The following FBXO11 variants were observed in gnomAD, a reference collection of about 807,000 sequenced individuals.
FBXO11 encodes F-box only protein 11.
A neutral mutation model predicts 117.0 loss-of-function variants in FBXO11; 13 were observed. The ratio of observed to expected loss-of-function variants is 0.11; its 90% CI spans 0.07 to 0.18. FBXO11 has a LOEUF of 0.18. Among genes scored for constraint, FBXO11 ranks in the 10% least tolerant of loss-of-function variants. The pLI, the probability that FBXO11 is intolerant of heterozygous loss-of-function variation, is 1.00. For synonymous variants in FBXO11, 490 were observed against 380.5 expected, an observed-to-expected ratio of 1.29 and a Z score of -3.35; for missense variants, 767 against 1,164.4, an observed-to-expected ratio of 0.66 and a Z score of 4.97.
intron 18 of FBXO11, among the ~76,000 whole-genome samples, chr2:47,812,643 G>A (rs527290254): frequency 3.9e-5 from 6 of 152,186 alleles, no homozygotes; most frequent in Non-Finnish European, 5.9e-5. Flanking sequence ...TGTAAGATAT[G>A]TACAAATGTT....
intron 14 of FBXO11, among the ~76,000 whole-genome samples, chr2:47,819,408 G>A (rs113636247): frequency 2.3e-4 from 35 of 152,160 alleles, no homozygotes; most frequent in Non-Finnish European, 7.3e-5. Flanking sequence ...TAGAGATGGC[G>A]TTTCACCATC....
At chr2:47,900,912 G>A (rs947904377) in intron 1 of FBXO11, among the ~76,000 whole-genome samples, 9 of 131,182 alleles carry the variant, frequency 6.9e-5, no homozygotes, top group Non-Finnish European at 8.2e-5. Flanking sequence ...ACATATATAT[G>A]TATATATATA....
intron 16 of FBXO11, among the ~76,000 whole-genome samples, chr2:47,817,460 T>A (rs1037368009): frequency 5.3e-5 from 8 of 152,358 alleles, no homozygotes; most frequent in African/African-American, 1.7e-4. Context: ...TTATCATTCA[T>A]GTGTTTACTG....
intron 1 of FBXO11, among the ~76,000 whole-genome samples, chr2:47,879,558 G>T (rs959479076): frequency 5.3e-5 from 8 of 152,224 alleles, no homozygotes; most frequent in African/African-American, 1.9e-4. Context: ...GTGAATTATC[G>T]ATTCATATCT....
intron 1 of FBXO11, among the ~76,000 whole-genome samples, chr2:47,868,466 T>C (rs569630263): frequency 6.6e-6 from 1 of 152,294 alleles, no homozygotes; most frequent in East Asian, 1.9e-4. Context: ...TACTTTATTT[T>C]TGAGAAATTT....
Position 47,905,638 on chromosome 2 carries a change from G to T in FBXO11, c.83C>A (p.Pro28Gln), listed in dbSNP as rs985294635. ...GGGCGGCTGCGGCGGCGGCTGCTGC[G>T]GGGGCTGCTGCTGCTGTTGCTGCAC... ...RPVQQQQQQPPQQPPPQPPQQ... is the reference protein window; with the variant it reads ...RPVQQQQQQPQQQPPPQPPQQ... The change falls in exon 1 of 23, where the codon CCG becomes CAG. Residue 28 changes from proline to glutamine, a missense_variant. Pro to Gln is a moderately conservative substitution (Grantham distance 76). Around this residue, in one of 10 missense-constraint regions of FBXO11, gnomAD observed 355 missense variants for 299.8 expected, o/e 1.18. Transcript: ENST00000403359. 1 of 1,421,424 alleles carries T rather than the reference G, an allele frequency of 7.0e-7. No individual in the cohort carries two copies. The highest frequency in any genetic ancestry group is 9.2e-7 in the Non-Finnish European group (1 of 1,084,624). 88.1% of individuals were successfully genotyped at this position (1,421,424 alleles called of 1,614,324 possible).
chr2:47,840,306 G>GT (rs1484717313), intron 1 of FBXO11, among the ~76,000 whole-genome samples: 1 of 151,956 alleles, frequency 6.6e-6, no homozygotes, highest in African/African-American at 2.4e-5. Flanking sequence ...AGTGGGAAGG[G>GT]AACTGGTACT....
Position 47,807,922 on chromosome 2 carries a change from C to A in FBXO11, c.*196G>T. The A allele has an allele frequency of 1.8e-6, 1 of 540,972 alleles. No individual in the cohort carries two copies. The highest frequency in any genetic ancestry group is 3.3e-6 in the Non-Finnish European group (1 of 305,188). 33.5% of individuals were successfully genotyped at this position (540,972 alleles called of 1,614,324 possible). ...CTTTACACAGTAATGCTAAAACACCCAGCTTTGAGATCCTGAGTCAATATA... is the reference window on the plus strand; with the variant it reads ...CTTTACACAGTAATGCTAAAACACCAAGCTTTGAGATCCTGAGTCAATATA... On this transcript the variant is annotated 3_prime_UTR_variant, in exon 23 of 23. Transcript: ENST00000403359.
intron 1 of FBXO11, among the ~76,000 whole-genome samples, chr2:47,867,198 G>C (rs874869): frequency 0.55 from 83,975 of 151,936 alleles, 23,279 homozygotes; most frequent in East Asian, 0.63. Flanking sequence ...AACAAATCCC[G>C]AAAATCTCCA....
rs369808789 is a variant in FBXO11, at chr2:47,808,210, G to A, written c.2692C>T (p.Pro898Ser). 1.9e-6 allele frequency: 3 copies of A among 1,613,276 alleles called. No homozygotes were observed. The highest frequency in any genetic ancestry group is 2.7e-5 in the African/African-American group (2 of 74,910). The change falls in exon 23 of 23, where the codon CCT becomes TCT. Residue 898 changes from proline (P) to serine (S), a missense_variant. This residue lies in a region of FBXO11 where 47 missense variants were observed against 117.3 expected (regional missense o/e 0.40). Coordinates refer to ENST00000403359, the MANE Select transcript of FBXO11 (RefSeq NM_001190274.2). The stretch of plus-strand genomic sequence containing the variant: ...GTAGGCTCACCAGCTAATGTACAAG[G>A]ATTAGACAGTGTTCCAGCACCACAG... ...CDCGAGTLSN[P>S]CTLAGEPTHD...
intron 1 of FBXO11, among the ~76,000 whole-genome samples, chr2:47,858,183 G>A (rs1049494765): frequency 6.6e-6 from 1 of 151,728 alleles, no homozygotes; most frequent in Non-Finnish European, 1.5e-5. Context: ...TCAGTTCACT[G>A]CAACCTCTGT....
At chr2:47,859,263 T>C (rs1674568517) in intron 1 of FBXO11, among the ~76,000 whole-genome samples, 1 of 151,826 alleles carries the variant, frequency 6.6e-6, no homozygotes, top group Non-Finnish European at 1.5e-5. Context: ...ACCCAACTAA[T>C]CTGAAGATCA....
chr2:47,809,141 ATATATTT>A lies in FBXO11; in HGVS notation c.2555+10_2555+16del, dbSNP rs1670441134. The A allele has an allele frequency of 6.9e-7, 1 of 1,442,954 alleles. No homozygotes were observed. Among genetic ancestry groups the A allele is most frequent in the Non-Finnish European group, 9.6e-7 (1 of 1,043,942 alleles). 89.4% of individuals were successfully genotyped at this position (1,442,954 alleles called of 1,614,324 possible). A position where few individuals can be genotyped will look rare whatever the true frequency, so the allele number is the denominator to read the frequency against. ...CAGTCTTCCTCTTTTCAGGACTCAA[ATATATTT>A]CTAAGTTACCTGTAGAAATCATGCA... On this transcript the variant is annotated intron_variant, in intron 21 of 22. Coordinates refer to ENST00000403359, the MANE Select transcript of FBXO11 (RefSeq NM_001190274.2).
At position 47,806,977 on chromosome 2, in the gene FBXO11, G is replaced by A; in HGVS notation, c.*1141C>T. 1.2e-6 allele frequency: 1 copy of A among 808,624 alleles called. No individual in the cohort carries two copies. 50.1% of individuals were successfully genotyped at this position (808,624 alleles called of 1,614,324 possible). On this transcript the variant is annotated 3_prime_UTR_variant, in exon 23 of 23. Coordinates refer to ENST00000403359, the MANE Select transcript of FBXO11 (RefSeq NM_001190274.2). ...GACCATTTTTCCATTTTCTTTCTAG[G>A]AAATTAAACCCTTTTAATTCTTATC... is the stretch of plus-strand genomic sequence containing the variant.
chr2:47,861,283 A>G (rs1274617958), intron 1 of FBXO11, among the ~76,000 whole-genome samples: 2 of 151,472 alleles, frequency 1.3e-5, no homozygotes, highest in African/African-American at 4.9e-5. Context: ...AATTGACTTC[A>G]TAATATTCAT....
At chr2:47,899,046 G>A (rs949943767) in intron 1 of FBXO11, among the ~76,000 whole-genome samples, 7 of 152,042 alleles carry the variant, frequency 4.6e-5, no homozygotes, top group African/African-American at 9.6e-5. Flanking sequence ...AGGCCGAGGC[G>A]GGCGGATCAC....
chr2:47,829,305 A>G (rs1287493258), intron 11 of FBXO11, among the ~76,000 whole-genome samples: 2 of 152,050 alleles, frequency 1.3e-5, no homozygotes, highest in Non-Finnish European at 2.9e-5. Context: ...CAGTGGCGCG[A>G]TCTCGGCTCA....
At chr2:47,833,414 A>C (rs896590435) in intron 7 of FBXO11, among the ~76,000 whole-genome samples, 7 of 152,222 alleles carry the variant, frequency 4.6e-5, no homozygotes, top group Admixed American at 2.6e-4. Flanking sequence ...ACCTCTATTT[A>C]AATTTATTTC....
chr2:47,813,428 T>TTTTTTTTC, intron 17 of FBXO11, 51 bp from the exon 18 acceptor site: 1 of 765,850 alleles, frequency 1.3e-6, no homozygotes, highest in Non-Finnish European at 1.8e-6. Context: ...CTTTTTAATT[T>TTTTTTTTC]TTTTTTTTTT....
Sources: allele counts gnomAD v4.1 joint callset (sites outside exome capture counted in the v4.1 genomes callset), GRCh38; gene constraint gnomAD v4.1.1; regional missense constraint gnomAD v4.1.1; transcripts MANE v1.5; gene names NCBI Gene and HGNC (gene_info 2026-07-23, HGNC 2026-07-21).